The following INSIG2 variants were observed in gnomAD, a reference collection of about 807,000 sequenced individuals.
The protein encoded by INSIG2 is insulin-induced gene 2 protein.
INSIG2 carries 10 observed loss-of-function variants against 27.2 expected under a neutral mutation model. The observed-to-expected ratio is 0.37, with a 90% CI of 0.23 to 0.62. The LOEUF is 0.62. Ranked by LOEUF, INSIG2 falls within the 20% of genes least tolerant of loss-of-function variation. The pLI is 0.65. For synonymous variants in INSIG2, 97 were observed against 95.8 expected (o/e 1.01, Z -0.07); for missense variants, 178 against 270.2 (o/e 0.66, Z 2.39).
chr2:118,107,732 AC>A (rs910800952), intron 5 of INSIG2, among the ~76,000 whole-genome samples: 39 of 152,316 alleles, frequency 2.6e-4, no homozygotes, highest in African/African-American at 9.4e-4. Context: ...AAAATAGCCA[AC>A]CAATTATCTT....
At chr2:118,094,929 G>C (rs754917443) in intron 1 of INSIG2, among the ~76,000 whole-genome samples, 1 of 152,168 alleles carries the variant, frequency 6.6e-6, no homozygotes, top group Non-Finnish European at 1.5e-5. Flanking sequence ...CTCTCAAAAA[G>C]GCCTACTTTA....
In INSIG2 at chr2:118,102,964, A is replaced by G. The variant is rs192315102; in HGVS notation, c.245-233A>G. On this transcript the variant is annotated intron_variant, in intron 2 of 5. Coordinates refer to ENST00000245787, the MANE Select transcript of INSIG2 (RefSeq NM_016133.4). ...AAGAGTATTTTGTTGATTATAATTT[A>G]GAATGTTGTTGTAATCATTTGCAAT... is the stretch of plus-strand genomic sequence containing the variant. Among the ~76,000 whole-genome samples the G allele has an allele frequency of 2.2e-3, 334 of 152,314 alleles. 2 individuals are homozygous for G. Among genetic ancestry groups the G allele is most frequent in the African/African-American group, 7.6e-3 (316 of 41,574 alleles).
chr2:118,103,549 T>C (rs944204978), intron 3 of INSIG2, among the ~76,000 whole-genome samples: 1 of 152,108 alleles, frequency 6.6e-6, no homozygotes, highest in African/African-American at 2.4e-5. Context: ...TTAGAAACTT[T>C]GCAAATTTGA....
intron 2 of INSIG2, among the ~76,000 whole-genome samples, chr2:118,100,973 A>C (rs956143345): frequency 2.0e-5 from 3 of 151,848 alleles, no homozygotes; most frequent in Non-Finnish European, 2.9e-5. Flanking sequence ...GAAATAACTT[A>C]AAGGTATCAC....
intron 1 of INSIG2, among the ~76,000 whole-genome samples, chr2:118,094,824 A>G (rs1416689370): frequency 6.6e-6 from 1 of 152,172 alleles, no homozygotes; most frequent in African/African-American, 2.4e-5. Flanking sequence ...GGTTTACATG[A>G]GGGCTTTGTT....
chr2:118,109,982 T>A lies in INSIG2; in HGVS notation c.*1660T>A, dbSNP rs1678775306. On this transcript the variant is annotated 3_prime_UTR_variant, in exon 6 of 6. Coordinates refer to ENST00000245787, the MANE Select transcript of INSIG2 (RefSeq NM_016133.4). ...GTCTATGATGTGTTTACTTTAAAAATTGCTGTTAAAAGCAACACGTATTAA... is the reference window on the plus strand; with the variant it reads ...GTCTATGATGTGTTTACTTTAAAAAATGCTGTTAAAAGCAACACGTATTAA... 6.6e-6 allele frequency: 1 copy of A among 152,616 alleles called. No individual in the cohort carries two copies. Among genetic ancestry groups the A allele is most frequent in the South Asian group, 2.1e-4 (1 of 4,830 alleles). 9.5% of individuals were successfully genotyped at this position (152,616 alleles called of 1,614,324 possible). A position where few individuals can be genotyped will look rare whatever the true frequency, so the allele number is the denominator to read the frequency against.
Position 118,109,973 on chromosome 2 carries a change from C to A in INSIG2, c.*1651C>A, listed in dbSNP as rs370115667. The A allele has an allele frequency of 6.6e-6, 1 of 152,482 alleles. No individual in the cohort carries two copies. Among genetic ancestry groups the A allele is most frequent in the East Asian group, 1.9e-4 (1 of 5,192 alleles). 9.4% of individuals were successfully genotyped at this position (152,482 alleles called of 1,614,324 possible). A position where few individuals can be genotyped will look rare whatever the true frequency, so the allele number is the denominator to read the frequency against. On this transcript the variant is annotated 3_prime_UTR_variant, in exon 6 of 6. Transcript: ENST00000245787. ...AGTTATAAGGTCTATGATGTGTTTA[C>A]TTTAAAAATTGCTGTTAAAAGCAAC...
intron 1 of INSIG2, among the ~76,000 whole-genome samples, chr2:118,093,865 AGGAGGAGGAGGAGGAGGAGGAGAG>A (rs1678332578): frequency 5.9e-5 from 5 of 85,434 alleles, no homozygotes; most frequent in Non-Finnish European, 1.0e-4. Flanking sequence ...GATGATGATG[AGGAGGAGGAGGAGGAGGAGGAGAG>A]TTCTGTAGCT....
chr2:118,107,045 A>G, intron 4 of INSIG2, 45 bp from the exon 5 acceptor site: 1 of 1,466,570 alleles, frequency 6.8e-7, no homozygotes, highest in Non-Finnish European at 9.5e-7. Flanking sequence ...CTTAAGTGTC[A>G]TTGCAGTTCC....
chr2:118,095,198 C>T (rs148686261), intron 1 of INSIG2, among the ~76,000 whole-genome samples: 51 of 152,202 alleles, frequency 3.4e-4, no homozygotes, highest in South Asian at 6.2e-4. Context: ...ATTTCTGTAC[C>T]GATTTATGAA....
intron 3 of INSIG2, among the ~76,000 whole-genome samples, chr2:118,103,859 A>G (rs17047757): frequency 0.084 from 12,772 of 152,192 alleles, 756 homozygotes; most frequent in East Asian, 0.25. Flanking sequence ...ACCCTAGTAC[A>G]TATTTTCAAA....
chr2:118,094,517 A>G (rs1678363125), intron 1 of INSIG2, among the ~76,000 whole-genome samples: 1 of 152,168 alleles, frequency 6.6e-6, no homozygotes, highest in Admixed American at 6.5e-5. Flanking sequence ...GGGCATTTTC[A>G]GTTGGTATTT....
chr2:118,096,201 G>A (rs947562099), intron 1 of INSIG2, among the ~76,000 whole-genome samples: 25 of 152,148 alleles, frequency 1.6e-4, no homozygotes, highest in African/African-American at 6.0e-4. Context: ...CCTAGGAAAT[G>A]TAAGGGTAGT....
chr2:118,096,902 T>C, intron 2 of INSIG2, 102 bp downstream of exon 2: 6 of 1,287,134 alleles, frequency 4.7e-6, no homozygotes, highest in Non-Finnish European at 6.3e-6. Context: ...AATATATTTA[T>C]TGAGATATAA....
At chr2:118,097,777 CAT>C (rs1678445863) in intron 2 of INSIG2, among the ~76,000 whole-genome samples, 1 of 152,202 alleles carries the variant, frequency 6.6e-6, no homozygotes, top group African/African-American at 2.4e-5. Flanking sequence ...TCATACTTAA[CAT>C]ATATGAATGA....
At chr2:118,106,185 G>A (rs1678667210) in intron 3 of INSIG2, among the ~76,000 whole-genome samples, 1 of 152,134 alleles carries the variant, frequency 6.6e-6, no homozygotes, top group Non-Finnish European at 1.5e-5. Flanking sequence ...CTGTGTCCTT[G>A]GTACTCTTGT....
In INSIG2 at chr2:118,092,670, T is replaced by A. The variant is rs2104521109; in HGVS notation, c.-138-3749T>A. Among the ~76,000 whole-genome samples the A allele has an allele frequency of 1.3e-5, 2 of 152,300 alleles. 1 individual carries two copies. Among genetic ancestry groups the A allele is most frequent in the Admixed American group, 1.3e-4 (2 of 15,296 alleles). On this transcript the variant is annotated intron_variant, in intron 1 of 5. Coordinates refer to ENST00000245787, the MANE Select transcript of INSIG2 (RefSeq NM_016133.4). ...GTGACCATAAGCAAATTGCTGAATCTCTTTGACTTGGTAGCCTCATCTGTA... is the reference window on the plus strand; with the variant it reads ...GTGACCATAAGCAAATTGCTGAATCACTTTGACTTGGTAGCCTCATCTGTA...
chr2:118,094,628 G>C (rs1678365936), intron 1 of INSIG2, among the ~76,000 whole-genome samples: 1 of 152,184 alleles, frequency 6.6e-6, no homozygotes, highest in Non-Finnish European at 1.5e-5. Flanking sequence ...GGTCAGTGAG[G>C]ACTAGCTTGG....
intron 2 of INSIG2, among the ~76,000 whole-genome samples, chr2:118,099,157 T>G (rs1398011404): frequency 1.3e-5 from 2 of 152,262 alleles, no homozygotes; most frequent in Non-Finnish European, 2.9e-5. Context: ...TGTGTGTATG[T>G]AATATGCATA....
Sources: gnomAD v4.1 joint callset for allele counts (sites outside exome capture counted in the v4.1 genomes callset) on GRCh38, gnomAD v4.1.1 for gene constraint, MANE v1.5 for transcripts, NCBI Gene and HGNC (gene_info 2026-07-23, HGNC 2026-07-21) for gene names.